Variants in WDR89 observed in about 807,000 individuals in gnomAD.
The protein encoded by WDR89 is WD repeat domain 89.
In WDR89, 17 loss-of-function variants were observed where a neutral mutation model predicts 29.1. That is an observed-to-expected ratio of 0.58 (90% CI 0.40 to 0.88). WDR89 has a LOEUF of 0.88. Ranked by LOEUF, WDR89 falls within the 40% of genes least tolerant of loss-of-function variation. The pLI, the probability that WDR89 is intolerant of heterozygous loss-of-function variation, is 0.00. For missense variants in WDR89, 396 were observed against 456.3 expected (o/e 0.87, Z 1.20); for synonymous variants, 138 against 157.8 (o/e 0.87, Z 0.94).
chr14:63,634,467 A>G (rs943652377), intron 1 of WDR89, among the ~76,000 whole-genome samples: 5 of 151,770 alleles, frequency 3.3e-5, no homozygotes, highest in Non-Finnish European at 7.4e-5. Flanking sequence ...GGTTGCAGAG[A>G]GCCAAGATCG....
At chr14:63,623,431 T>C (rs1202243267) in intron 2 of WDR89, among the ~76,000 whole-genome samples, 1 of 151,514 alleles carries the variant, frequency 6.6e-6, no homozygotes, top group Admixed American at 6.6e-5. Flanking sequence ...TGGCCGGGCA[T>C]GGTGGTTCAC....
In WDR89 at chr14:63,624,979, C is replaced by G. The variant is rs1030639548; in HGVS notation, c.-83G>C. ...CTCAAGAGAAATGACAACTTATGTC[C>G]GTACAAACACCTGTACACGTGTTCA... On this transcript the variant is annotated 5_prime_UTR_variant, in exon 2 of 3. Coordinates refer to ENST00000620954, the MANE Select transcript of WDR89 (RefSeq NM_080666.4). The G allele has an allele frequency of 5.9e-5, 9 of 151,838 alleles. No homozygotes were observed. The highest frequency in any genetic ancestry group is 2.0e-4 in the Admixed American group (3 of 15,228). The allele number at this position is 151,838 out of a possible 1,614,324, so 9.4% of individuals were successfully genotyped here.
Position 63,616,508 on chromosome 14 carries a change from T to C in WDR89, c.-32+8420A>G, listed in dbSNP as rs148121688. On this transcript the variant is annotated intron_variant, in intron 2 of 2. Transcript: ENST00000620954. ...ATGAGGCAGGAAAAGCCATTTCTAT[T>C]CAATCATTAAAGGAAACTTCCCCCA... Among the ~76,000 whole-genome samples, 282 of 152,284 alleles carry C rather than the reference T, an allele frequency of 1.9e-3. 3 individuals are homozygous for C. Among genetic ancestry groups the C allele is most frequent in the Admixed American group, 5.4e-3 (82 of 15,288 alleles).
At chr14:63,641,189 T>C (rs987060092) in intron 1 of WDR89, 1 of 151,444 alleles carries the variant, frequency 6.6e-6, no homozygotes, top group African/African-American at 2.4e-5. Context: ...TAATTTTACA[T>C]CCATGGAAGC....
intron 2 of WDR89, among the ~76,000 whole-genome samples, chr14:63,606,182 A>C (rs1226849689): frequency 6.6e-6 from 1 of 152,154 alleles, no homozygotes; most frequent in Non-Finnish European, 1.5e-5. Context: ...TTCTGGGCTC[A>C]AGCAATCTTC....
intron 2 of WDR89, among the ~76,000 whole-genome samples, chr14:63,606,699 TG>T (rs1219275285): frequency 6.6e-6 from 1 of 152,234 alleles, no homozygotes; most frequent in Non-Finnish European, 1.5e-5. Flanking sequence ...AGGCAATGAA[TG>T]ACTGTAATCA....
intron 1 of WDR89, chr14:63,641,477 A>C (rs898241059): frequency 1.4e-4 from 21 of 152,294 alleles, no homozygotes; most frequent in African/African-American, 4.6e-4. Context: ...GAGCAGGAGG[A>C]AACAGGTCTT....
intron 1 of WDR89, among the ~76,000 whole-genome samples, chr14:63,626,452 C>T (rs756611255): frequency 1.3e-4 from 19 of 151,452 alleles, no homozygotes; most frequent in Non-Finnish European, 2.4e-4. Flanking sequence ...GGGCAGAACA[C>T]GATCACATGA....
intron 2 of WDR89, among the ~76,000 whole-genome samples, chr14:63,620,629 A>T (rs1882636224): frequency 6.6e-6 from 1 of 152,150 alleles, no homozygotes; most frequent in African/African-American, 2.4e-5. Context: ...TCATGCCTGT[A>T]ATCTCAACAC....
chr14:63,618,688 A>C (rs60177539), intron 2 of WDR89, among the ~76,000 whole-genome samples: 2,982 of 152,228 alleles, frequency 0.02, 87 homozygotes, highest in African/African-American at 0.067. Context: ...AGAAAAGAAA[A>C]AAACAAACAA....
rs139502304 is a variant in WDR89 at position 63,636,708 on chromosome 14, G to C, written c.-138+5096C>G. Among the ~76,000 whole-genome samples the C allele has an allele frequency of 1.3e-3, 193 of 152,300 alleles. 3 individuals carry two copies. The East Asian group carries it at 0.031, about 24-fold the overall frequency. The stretch of plus-strand genomic sequence containing the variant: ...CAAATGGTGCTGGGATAATTGGCTA[G>C]CCACATGGAGGAAAAATGAAACTGG... On this transcript the variant is annotated intron_variant, in intron 1 of 2. Coordinates refer to ENST00000620954, the MANE Select transcript of WDR89 (RefSeq NM_080666.4).
chr14:63,623,070 G>A (rs1424820288), intron 2 of WDR89, among the ~76,000 whole-genome samples: 4 of 151,810 alleles, frequency 2.6e-5, no homozygotes, highest in Non-Finnish European at 4.4e-5. Flanking sequence ...ACAGTGGCAG[G>A]TGCCTGTAGT....
At chr14:63,637,566 GTA>G (rs1426011075) in intron 1 of WDR89, among the ~76,000 whole-genome samples, 1 of 152,006 alleles carries the variant, frequency 6.6e-6, no homozygotes, top group African/African-American at 2.4e-5. Context: ...GTGTGTGTGT[GTA>G]TATATATGTG....
rs1428832201 is a variant in WDR89 at position 63,640,591 on chromosome 14, C to T, written c.-138+1213G>A. Among the ~76,000 whole-genome samples, 3 of 151,380 alleles carry T rather than the reference C, an allele frequency of 2.0e-5. No individual in the cohort carries two copies. In the East Asian group the frequency reaches 5.9e-4, roughly 30 times the overall value. ...GCAACCTCTGCCTCCCGGGTTCAAG[C>T]GATTCTCCTGCCTCAGCCTCCCGAG... On this transcript the variant is annotated intron_variant, in intron 1 of 2. Transcript: ENST00000620954.
At chr14:63,628,961 A>C (rs1883236120) in intron 1 of WDR89, among the ~76,000 whole-genome samples, 1 of 151,962 alleles carries the variant, frequency 6.6e-6, no homozygotes, top group Non-Finnish European at 1.5e-5. Context: ...AAAAACAAAA[A>C]ACGATGTTTG....
chr14:63,609,301 G>A (rs919673464), intron 2 of WDR89, among the ~76,000 whole-genome samples: 1 of 151,906 alleles, frequency 6.6e-6, no homozygotes, highest in South Asian at 2.1e-4. Context: ...TAAAAGCTAC[G>A]ATTCTTACAG....
rs1197501733 is a variant in WDR89 at position 63,615,446 on chromosome 14, GC to G, written c.-32+9481del. 1.8e-4 allele frequency among the ~76,000 whole-genome samples: 28 copies of G among 152,226 alleles called. 1 individual carries two copies. Among genetic ancestry groups the G allele is most frequent in the Admixed American group, 1.6e-3 (25 of 15,282 alleles). ...TTGAAAAGACGCTTTTAAGAATTAA[GC>G]AAATGCTATCTTTAATAACTGCAAA... On this transcript the variant is annotated intron_variant, in intron 2 of 2. Coordinates refer to ENST00000620954, the MANE Select transcript of WDR89 (RefSeq NM_080666.4).
chr14:63,601,492 C>A, intron 2 of WDR89: 2 of 1,319,334 alleles, frequency 1.5e-6, no homozygotes, highest in East Asian at 2.3e-5. Flanking sequence ...GAGTACGAGT[C>A]TGAGGTGGAG....
At position 63,599,807 on chromosome 14, in the gene WDR89, A is replaced by G; in HGVS notation, c.136T>C (p.Leu46=). The G allele has an allele frequency of 6.2e-7, 1 of 1,614,128 alleles. No homozygotes were observed. The highest frequency in any genetic ancestry group is 8.5e-7 in the Non-Finnish European group (1 of 1,180,014). The change falls in exon 3 of 3, where the codon TTA becomes CTA. Residue 46 remains leucine (L), a synonymous_variant. Coordinates refer to ENST00000620954, the MANE Select transcript of WDR89 (RefSeq NM_080666.4). ...QAGKENLVAV[L]CSNGSIRIYD... is the part of the protein sequence containing the mutation. ...ATTCTGATTGATCCATTAGAACATA[A>G]AACAGCAACCAAGTTTTCCTTTCCT...
Sources: gnomAD v4.1 joint callset for allele counts (sites outside exome capture counted in the v4.1 genomes callset) on GRCh38, gnomAD v4.1.1 for gene constraint, MANE v1.5 for transcripts, NCBI Gene and HGNC (gene_info 2026-07-23, HGNC 2026-07-21) for gene names.